Variants in DGAT2 observed in about 807,000 individuals in gnomAD.
The protein encoded by DGAT2 is acyl-CoA retinol O-fatty-acyltransferase.
Under a neutral mutation model 48.4 loss-of-function variants are expected in DGAT2, and 33 were observed. That is an observed-to-expected ratio of 0.68 (90% CI 0.52 to 0.91). The LOEUF is 0.91. Ranked by LOEUF, DGAT2 falls within the 40% of genes least tolerant of loss-of-function variation. The pLI, the probability that DGAT2 is intolerant of heterozygous loss-of-function variation, is 0.00. For missense variants in DGAT2, 446 were observed against 493.7 expected (o/e 0.90, Z 0.92); for synonymous variants, 191 against 194.1 (o/e 0.98, Z 0.13).
intron 7 of DGAT2, among the ~76,000 whole-genome samples, chr11:75,798,975 A>G (rs1458190052): frequency 6.6e-6 from 1 of 152,222 alleles, no homozygotes; most frequent in Non-Finnish European, 1.5e-5. Context: ...CACTGGTTGC[A>G]CTTGGCCCTC....
intron 1 of DGAT2, among the ~76,000 whole-genome samples, chr11:75,777,408 G>A (rs1317917902): frequency 2.0e-5 from 3 of 152,146 alleles, no homozygotes; most frequent in Non-Finnish European, 4.4e-5. Context: ...TCCTAGGCAG[G>A]GCAGGCATTA....
intron 7 of DGAT2, among the ~76,000 whole-genome samples, 184 bp from the exon 8 acceptor site, chr11:75,800,170 A>G (rs571423283): frequency 1.3e-5 from 2 of 152,288 alleles, no homozygotes; most frequent in Admixed American, 1.3e-4. Context: ...GTCCCTTCAC[A>G]TGCCCCTGGG....
chr11:75,769,534 A>G (rs987766234), intron 1 of DGAT2, among the ~76,000 whole-genome samples: 27 of 152,144 alleles, frequency 1.8e-4, no homozygotes, highest in Non-Finnish European at 2.2e-4. Flanking sequence ...CCTCTGTCCC[A>G]CATCCATCCT....
At chr11:75,800,071 C>G (rs1404551375) in intron 7 of DGAT2, among the ~76,000 whole-genome samples, 2 of 152,208 alleles carry the variant, frequency 1.3e-5, no homozygotes, top group African/African-American at 4.8e-5. Context: ...ACTTGATCCC[C>G]TGACTCTCAT....
chr11:75,785,834 A>G (rs1379312835), intron 2 of DGAT2, among the ~76,000 whole-genome samples: 2 of 152,220 alleles, frequency 1.3e-5, no homozygotes, highest in African/African-American at 4.8e-5. Context: ...CAAGGGATAG[A>G]ACTTCACAGG....
intron 1 of DGAT2, chr11:75,774,077 G>C (rs1314040343): frequency 6.6e-6 from 1 of 152,378 alleles, no homozygotes; most frequent in Non-Finnish European, 1.5e-5. Flanking sequence ...GCTGGATCCA[G>C]GCCTGTGGTG....
At chr11:75,785,841 C>T (rs1944916998) in intron 2 of DGAT2, among the ~76,000 whole-genome samples, 1 of 152,216 alleles carries the variant, frequency 6.6e-6, no homozygotes, top group Admixed American at 6.5e-5. Flanking sequence ...TAGAACTTCA[C>T]AGGTGAGAAA....
In DGAT2 at chr11:75,768,914, C is replaced by T. The variant is rs1300776628; in HGVS notation, c.-78C>T. 17 of 1,360,178 alleles carry T rather than the reference C, an allele frequency of 1.2e-5. No homozygotes were observed. The highest frequency in any genetic ancestry group is 1.3e-5 in the Non-Finnish European group (14 of 1,060,584). 84.3% of individuals were successfully genotyped at this position (1,360,178 alleles called of 1,614,324 possible). On this transcript the variant is annotated 5_prime_UTR_variant, in exon 1 of 8. Transcript: ENST00000228027. ...CCCTGTGCTCTGCGCGAAGCCCTGG[C>T]CCCGGGGGCCGGGGCATGGGCCAGG...
intron 2 of DGAT2, among the ~76,000 whole-genome samples, chr11:75,789,319 T>C (rs1161631885): frequency 6.6e-6 from 1 of 152,144 alleles, no homozygotes; most frequent in East Asian, 1.9e-4. Flanking sequence ...CAGCTAATTT[T>C]TTAAATTTTT....
At chr11:75,778,332 G>A (rs181546916) in intron 1 of DGAT2, among the ~76,000 whole-genome samples, 4 of 152,208 alleles carry the variant, frequency 2.6e-5, no homozygotes, top group Admixed American at 1.3e-4. Flanking sequence ...GGGCCCTGGC[G>A]AAGCCTCATG....
intron 7 of DGAT2, among the ~76,000 whole-genome samples, 178 bp downstream of exon 7, chr11:75,798,607 G>A (rs909036229): frequency 2.0e-5 from 3 of 152,170 alleles, no homozygotes; most frequent in Admixed American, 2.0e-4. Context: ...AGTAGGAGTC[G>A]GGGAATTGAG....
chr11:75,785,023 C>T (rs566091898), intron 2 of DGAT2, among the ~76,000 whole-genome samples: 2 of 152,206 alleles, frequency 1.3e-5, no homozygotes, highest in South Asian at 4.2e-4. Flanking sequence ...GGTAACTTGC[C>T]CAAGGTCACA....
intron 2 of DGAT2, among the ~76,000 whole-genome samples, chr11:75,787,874 A>G (rs1308802774): frequency 1.3e-5 from 2 of 152,118 alleles, no homozygotes; most frequent in Non-Finnish European, 1.5e-5. Context: ...AGGGCTGTGG[A>G]CACATAGGGG....
intron 1 of DGAT2, among the ~76,000 whole-genome samples, chr11:75,774,478 C>A (rs966670773): frequency 6.6e-6 from 1 of 152,242 alleles, no homozygotes; most frequent in Non-Finnish European, 1.5e-5. Context: ...ATTAGCCATT[C>A]TAAGCCCTGC....
At chr11:75,773,260 G>A (rs1413103663) in intron 1 of DGAT2, among the ~76,000 whole-genome samples, 1 of 152,124 alleles carries the variant, frequency 6.6e-6, no homozygotes, top group Non-Finnish European at 1.5e-5. Context: ...GGGTGCTGGG[G>A]TTGTAGCTGT....
intron 1 of DGAT2, among the ~76,000 whole-genome samples, chr11:75,784,163 A>AG (rs1944896610): frequency 6.6e-6 from 1 of 152,158 alleles, no homozygotes; most frequent in Admixed American, 6.5e-5. Flanking sequence ...GTACACTTGG[A>AG]GAAAAAAAAC....
chr11:75,784,686 G>T lies in DGAT2; in HGVS notation c.190G>T (p.Val64Leu), dbSNP rs1944902255. 3.7e-6 allele frequency: 6 copies of T among 1,613,992 alleles called. No individual in the cohort carries two copies. Among genetic ancestry groups the T allele is most frequent in the Admixed American group, 1.7e-5 (1 of 59,990 alleles). The change falls in exon 2 of 8, where the codon GTG (valine) becomes TTG (leucine). Residue 64 changes from valine to leucine, a missense_variant. Transcript: ENST00000228027. ...FSVTWLNRSK[V>L]EKQLQVISVL... ...TGTCACCTGGCTCAATAGGTCCAAG[G>T]TGGAAAAGCAGCTACAGGTCATCTC...
rs1944768538 is a variant in DGAT2, at chr11:75,772,523, G to A, written c.121+3411G>A. 2.0e-5 allele frequency among the ~76,000 whole-genome samples: 3 copies of A among 152,256 alleles called. No homozygotes were observed. The East Asian group carries it at 5.8e-4, about 29-fold the overall frequency. On this transcript the variant is annotated intron_variant, in intron 1 of 7. Transcript: ENST00000228027. ...TCTTCGCATGGCTGGCTTTACAACA[G>A]TCAATCTCCTCTCAGAGGTCTTCCC... is the stretch of plus-strand genomic sequence containing the variant.
chr11:75,787,195 A>T lies in DGAT2; in HGVS notation c.250+2449A>T, dbSNP rs12222995. On this transcript the variant is annotated intron_variant, in intron 2 of 7. Coordinates refer to ENST00000228027, the MANE Select transcript of DGAT2 (RefSeq NM_032564.5). Reference sequence around the variant, plus strand: ...TAAGTGAAGGAAATGCCACATTTCCATAAGAGATAAGTGAAAATTTAGATG... The same window carrying T: ...TAAGTGAAGGAAATGCCACATTTCCTTAAGAGATAAGTGAAAATTTAGATG... Among the ~76,000 whole-genome samples, 8 of 152,274 alleles carry T rather than the reference A, an allele frequency of 5.3e-5. 2 individuals are homozygous for T.
Sources: gnomAD v4.1 joint callset for allele counts (sites outside exome capture counted in the v4.1 genomes callset) on GRCh38, gnomAD v4.1.1 for gene constraint, MANE v1.5 for transcripts, NCBI Gene and HGNC (gene_info 2026-07-23, HGNC 2026-07-21) for gene names.